Variants in PNPLA1 observed in about 807,000 individuals in gnomAD.
The protein encoded by PNPLA1 is omega-hydroxyceramide transacylase.
PNPLA1 carries 36 observed loss-of-function variants against 51.7 expected under a neutral mutation model. The observed-to-expected ratio is 0.70, with a 90% CI of 0.53 to 0.92. PNPLA1 has a LOEUF of 0.92. Among genes scored for constraint, PNPLA1 ranks in the 40% least tolerant of loss-of-function variants. The pLI is 0.00. For synonymous variants in PNPLA1, 293 were observed against 280.1 expected (o/e 1.05, Z -0.46); for missense variants, 658 against 682.5 (o/e 0.96, Z 0.40).
rs562608511 is a variant in PNPLA1 at position 36,276,073 on chromosome 6, C to T, written c.205+5409C>T. ...TCCTGGGTTCAAGAGATTCTCCTGC[C>T]TCAGCCTCCCGAGTAGCTGGGCTTA... On this transcript the variant is annotated intron_variant, in intron 1 of 8. Coordinates refer to ENST00000636260, the MANE Select transcript of PNPLA1 (RefSeq NM_001374623.1). Among the ~76,000 whole-genome samples, 17 of 151,980 alleles carry T rather than the reference C, an allele frequency of 1.1e-4. No individual in the cohort carries two copies. The South Asian group carries it at 3.3e-3, about 30-fold the overall frequency.
At chr6:36,303,591 G>A (rs575376067) in intron 6 of PNPLA1, among the ~76,000 whole-genome samples, 4 of 152,286 alleles carry the variant, frequency 2.6e-5, no homozygotes, top group African/African-American at 7.2e-5. Flanking sequence ...CAGCACTTTG[G>A]GAGGCCAAAG....
intron 5 of PNPLA1, among the ~76,000 whole-genome samples, chr6:36,295,689 T>C (rs775152770): frequency 6.6e-6 from 1 of 152,220 alleles, no homozygotes; most frequent in Non-Finnish European, 1.5e-5. Flanking sequence ...GCATGTATGC[T>C]TATGAATGTA....
intron 6 of PNPLA1, among the ~76,000 whole-genome samples, chr6:36,305,992 T>C (rs1771221180): frequency 6.6e-6 from 1 of 152,116 alleles, no homozygotes; most frequent in Admixed American, 6.5e-5. Context: ...TGGCCTCAAG[T>C]GATCTGCCCG....
intron 1 of PNPLA1, among the ~76,000 whole-genome samples, chr6:36,282,196 G>A (rs1185767028): frequency 1.4e-5 from 1 of 70,836 alleles, no homozygotes; most frequent in East Asian, 4.2e-4. Flanking sequence ...AAAGAAAGAA[G>A]GAAGGAAGGA....
chr6:36,291,549 T>G lies in PNPLA1; in HGVS notation c.435T>G (p.Ile145Met). 9.0e-7 allele frequency: 1 copy of G among 1,114,456 alleles called. No individual in the cohort carries two copies. The highest frequency in any genetic ancestry group is 1.2e-6 in the Non-Finnish European group (1 of 847,646). 69.0% of individuals were successfully genotyped at this position (1,114,456 alleles called of 1,614,324 possible). A position where few individuals can be genotyped will look rare whatever the true frequency, so the allele number is the denominator to read the frequency against. ...AGTTCACGTCCAAGGAGGAGCTCAT[T>G]GAGGCAAGGGGGCTGGGCTGGGAGG... is the stretch of plus-strand genomic sequence containing the variant. ...VSEFTSKEEL[I>M]EALYCSCFVP... is the part of the protein sequence containing the mutation. Residue 145 changes from isoleucine to methionine, a missense_variant, in exon 2 of 9, where the codon ATT (isoleucine) becomes ATG (methionine). Ile to Met is a conservative substitution (Grantham distance 10). Coordinates refer to ENST00000636260, the MANE Select transcript of PNPLA1 (RefSeq NM_001374623.1).
intron 1 of PNPLA1, among the ~76,000 whole-genome samples, chr6:36,248,554 C>A (rs1769353188): frequency 6.6e-6 from 1 of 150,512 alleles, no homozygotes; most frequent in Non-Finnish European, 1.5e-5. Context: ...CGGAGTCTTG[C>A]TCTGTCGCCC....
intron 1 of PNPLA1, among the ~76,000 whole-genome samples, chr6:36,275,225 C>T (rs1403275361): frequency 6.6e-6 from 1 of 152,080 alleles, no homozygotes. Flanking sequence ...ACCACAGGTG[C>T]ATGCCACCAC....
chr6:36,286,232 C>G (rs1770483790), intron 1 of PNPLA1, among the ~76,000 whole-genome samples: 1 of 152,182 alleles, frequency 6.6e-6, no homozygotes, highest in South Asian at 2.1e-4. Flanking sequence ...CAGTGATGAT[C>G]TAGATAGCAT....
chr6:36,300,817 C>A (rs771128495), intron 5 of PNPLA1, among the ~76,000 whole-genome samples: 2 of 152,174 alleles, frequency 1.3e-5, no homozygotes, highest in Non-Finnish European at 2.9e-5. Context: ...AGAAGTTATG[C>A]TCCACTTCCT....
intron 1 of PNPLA1, among the ~76,000 whole-genome samples, chr6:36,259,644 A>G (rs762020130): frequency 7.2e-5 from 11 of 152,312 alleles, no homozygotes; most frequent in Non-Finnish European, 1.2e-4. Flanking sequence ...GAACATTAAT[A>G]CTATACAGCC....
intron 1 of PNPLA1, among the ~76,000 whole-genome samples, chr6:36,249,250 C>T (rs773465745): frequency 6.6e-6 from 1 of 152,198 alleles, no homozygotes; most frequent in Non-Finnish European, 1.5e-5. Flanking sequence ...TCTGACCTTA[C>T]ATTCTTCCTT....
intron 1 of PNPLA1, among the ~76,000 whole-genome samples, chr6:36,288,406 G>A (rs1180043811): frequency 6.6e-6 from 1 of 151,780 alleles, no homozygotes; most frequent in African/African-American, 2.4e-5. Context: ...TTGAGACCAG[G>A]GGTTCAAGAC....
intron 5 of PNPLA1, among the ~76,000 whole-genome samples, chr6:36,300,923 T>C (rs775599978): frequency 4.6e-5 from 7 of 152,214 alleles, no homozygotes; most frequent in African/African-American, 7.2e-5. Context: ...TATATGTTTA[T>C]ATCAGTATGG....
chr6:36,305,599 C>T (rs774525854), intron 6 of PNPLA1, among the ~76,000 whole-genome samples: 3 of 151,914 alleles, frequency 2.0e-5, no homozygotes, highest in Admixed American at 6.6e-5. Flanking sequence ...GAGTAATGGC[C>T]ATGAAACTAT....
intron 5 of PNPLA1, among the ~76,000 whole-genome samples, chr6:36,301,047 TA>T (rs1771026412): frequency 6.6e-6 from 1 of 152,200 alleles, no homozygotes; most frequent in South Asian, 2.1e-4. Context: ...TCACACATTT[TA>T]AAAACTGAAT....
chr6:36,312,058 C>T lies in PNPLA1; in HGVS notation c.*172C>T, dbSNP rs983439177. 1 of 152,604 alleles carries T rather than the reference C, an allele frequency of 6.6e-6. No individual in the cohort carries two copies. Among genetic ancestry groups the T allele is most frequent in the South Asian group, 2.1e-4 (1 of 4,826 alleles). 9.5% of individuals were successfully genotyped at this position (152,604 alleles called of 1,614,324 possible). ...GAAAATAGCACCTCTTCCTGGAGAA[C>T]CTGACTACCAGCCGCTGGAAAATTG... On this transcript the variant is annotated 3_prime_UTR_variant, in exon 9 of 9. Transcript: ENST00000636260.
At chr6:36,300,178 T>TGAGAGAGAGAGAGAGAGAGAGAGAGA (rs71548136) in intron 5 of PNPLA1, among the ~76,000 whole-genome samples, 2 of 98,140 alleles carry the variant, frequency 2.0e-5, no homozygotes, top group East Asian at 2.8e-4. Context: ...TGTGTGTGTG[T>TGAGAGAGAGAGAGAGAGAGAGAGAGA]GAGAGAGAGA....
rs543009277 is a variant in PNPLA1 at position 36,306,428 on chromosome 6, G to A, written c.1469+52G>A. 53 of 1,496,324 alleles carry A rather than the reference G, an allele frequency of 3.5e-5. 1 individual carries two copies. The South Asian group carries it at 6.1e-4, about 17-fold the overall frequency. The allele number at this position is 1,496,324 out of a possible 1,614,324, so 92.7% of individuals were successfully genotyped here. A position where few individuals can be genotyped will look rare whatever the true frequency, so the allele number is the denominator to read the frequency against. ...TCTTTCCTTTGGACGGAAGAAGCAA[G>A]CCCGGCTAAGCGATATCTTCCACCA... On this transcript the variant is annotated intron_variant, in intron 7 of 8. Transcript: ENST00000636260.
At chr6:36,299,548 A>G (rs1770966823) in intron 5 of PNPLA1, among the ~76,000 whole-genome samples, 1 of 151,942 alleles carries the variant, frequency 6.6e-6, no homozygotes, top group Non-Finnish European at 1.5e-5. Context: ...GTTGGCCAGG[A>G]TGGTCTCGAT....
Sources: allele counts gnomAD v4.1 joint callset (sites outside exome capture counted in the v4.1 genomes callset), GRCh38; gene constraint gnomAD v4.1.1; transcripts MANE v1.5; gene names NCBI Gene and HGNC (gene_info 2026-07-23, HGNC 2026-07-21).